The following CPNE5 variants were observed in gnomAD, a reference collection of about 807,000 sequenced individuals.
The protein encoded by CPNE5 is copine 5, also known as copine-5.
A neutral mutation model predicts 81.1 loss-of-function variants in CPNE5; 42 were observed. That is an observed-to-expected ratio of 0.52 (90% CI 0.40 to 0.67). The LOEUF is 0.67. Among genes scored for constraint, CPNE5 ranks in the 30% least tolerant of loss-of-function variants. CPNE5 has a pLI of 0.00. For synonymous variants in CPNE5, 313 were observed against 321.5 expected (o/e 0.97, Z 0.28); for missense variants, 612 against 815.5 (o/e 0.75, Z 3.04).
intron 3 of CPNE5, among the ~76,000 whole-genome samples, chr6:36,801,509 T>C (rs1407490123): frequency 6.6e-6 from 1 of 152,208 alleles, no homozygotes; most frequent in Non-Finnish European, 1.5e-5. Flanking sequence ...GGCTCTCTTT[T>C]ATATCTGCTC....
rs1772977801 is a variant in CPNE5, at chr6:36,831,414, T to G, written c.95+7869A>C. Among the ~76,000 whole-genome samples, 3 of 151,702 alleles carry G rather than the reference T, an allele frequency of 2.0e-5. 1 individual carries two copies. The South Asian group carries it at 6.2e-4, about 31-fold the overall frequency. On this transcript the variant is annotated intron_variant, in intron 1 of 20. Transcript: ENST00000244751. The stretch of plus-strand genomic sequence containing the variant: ...TGTCAACCAGGCTGGAGTGCAGTGG[T>G]ACAATATCAGCTCACTGCAACCTCC...
At chr6:36,816,526 T>C (rs1771556126) in intron 3 of CPNE5, among the ~76,000 whole-genome samples, 2 of 152,210 alleles carry the variant, frequency 1.3e-5, no homozygotes, top group Admixed American at 1.3e-4. Flanking sequence ...TGACTTCCCC[T>C]GACCACAGGA....
At chr6:36,787,430 A>C (rs1302164764) in intron 8 of CPNE5, among the ~76,000 whole-genome samples, 1 of 151,924 alleles carries the variant, frequency 6.6e-6, no homozygotes, top group East Asian at 1.9e-4. Context: ...GCTTGGACCA[A>C]TATTCCCCAG....
chr6:36,757,296 C>A (rs762147422), intron 12 of CPNE5: 5 of 984,930 alleles, frequency 5.1e-6, no homozygotes, highest in Non-Finnish European at 6.0e-6. Context: ...TCCTGTGCTG[C>A]CTGTTGGTTT....
rs892565846 is a variant in CPNE5, at chr6:36,766,021, C to T, written c.738-645G>A. On this transcript the variant is annotated intron_variant, in intron 10 of 20. Transcript: ENST00000244751. This position sits in a 1 kb window ranked among gnomAD's most constrained non-coding sequence, Gnocchi z 4.2. ...TGAGAGCCCATTTTATTTTTAGCCA[C>T]GTTCCCATGGCAACAGGCTAGCGGA... is the stretch of plus-strand genomic sequence containing the variant. Among the ~76,000 whole-genome samples, 11 of 152,182 alleles carry T rather than the reference C, an allele frequency of 7.2e-5. No homozygotes were observed. Among genetic ancestry groups the T allele is most frequent in the Non-Finnish European group, 1.3e-4 (9 of 68,028 alleles).
chr6:36,743,225 G>A, intron 20 of CPNE5: 1 of 985,430 alleles, frequency 1.0e-6, no homozygotes, highest in Non-Finnish European at 1.2e-6. Context: ...ACGTGAGACT[G>A]CATGGGAATT....
At chr6:36,790,879 G>A (rs1769033430) in intron 8 of CPNE5, among the ~76,000 whole-genome samples, 1 of 152,126 alleles carries the variant, frequency 6.6e-6, no homozygotes, top group African/African-American at 2.4e-5. Context: ...ACCCATAATG[G>A]GTTCAACTAT....
intron 14 of CPNE5, among the ~76,000 whole-genome samples, chr6:36,749,667 A>T (rs192234722): frequency 9.0e-4 from 137 of 151,954 alleles, no homozygotes; most frequent in African/African-American, 3.1e-3. Context: ...AAAATAAAAA[A>T]AAAAAACCCA....
chr6:36,747,353 G>A (rs1764292052), intron 15 of CPNE5, among the ~76,000 whole-genome samples: 1 of 152,114 alleles, frequency 6.6e-6, no homozygotes, highest in Non-Finnish European at 1.5e-5. Flanking sequence ...TACCAATCCT[G>A]TCTACCTCCT....
intron 3 of CPNE5, among the ~76,000 whole-genome samples, chr6:36,809,637 A>G (rs1770921713): frequency 1.3e-5 from 2 of 152,102 alleles, no homozygotes; most frequent in South Asian, 4.1e-4. Context: ...AAAAAATCAA[A>G]TTGACTTAGG....
At chr6:36,792,284 G>T (rs1471512220) in intron 7 of CPNE5, 188 bp from the exon 8 acceptor site, 2 of 1,458,276 alleles carry the variant, frequency 1.4e-6, no homozygotes, top group African/African-American at 2.8e-5. Context: ...ACTGCTTCCT[G>T]GGACCGGGTC....
intron 8 of CPNE5, among the ~76,000 whole-genome samples, chr6:36,785,159 T>C (rs1221753280): frequency 6.6e-6 from 1 of 152,114 alleles, no homozygotes; most frequent in Non-Finnish European, 1.5e-5. Context: ...CTGGGGAGAT[T>C]ATAGCAGACA....
intron 9 of CPNE5, among the ~76,000 whole-genome samples, chr6:36,776,586 G>T (rs902952575): frequency 1.3e-5 from 2 of 152,124 alleles, no homozygotes; most frequent in Admixed American, 1.3e-4. Flanking sequence ...AGAGGGATGG[G>T]GGATGATACT....
chr6:36,767,064 C>T (rs1435104088), intron 10 of CPNE5, among the ~76,000 whole-genome samples: 1 of 152,176 alleles, frequency 6.6e-6, no homozygotes. Context: ...CCATGTTGGC[C>T]AGGCTGGCCT....
chr6:36,745,899 C>T (rs1311210377), intron 16 of CPNE5, among the ~76,000 whole-genome samples: 4 of 152,186 alleles, frequency 2.6e-5, no homozygotes, highest in African/African-American at 9.7e-5. Flanking sequence ...CTTGCACCCT[C>T]AGGCATGGGA....
chr6:36,742,633 CTG>C (rs1763667719), intron 20 of CPNE5, 147 bp from the exon 21 acceptor site: 1 of 1,442,024 alleles, frequency 6.9e-7, no homozygotes, highest in African/African-American at 1.4e-5. Flanking sequence ...ACCTGAGGGA[CTG>C]TATCCCTCAA....
At chr6:36,790,856 G>A (rs946822056) in intron 8 of CPNE5, among the ~76,000 whole-genome samples, 3 of 152,050 alleles carry the variant, frequency 2.0e-5, no homozygotes, top group East Asian at 1.9e-4. Context: ...AAAAAAATGC[G>A]TTATTTATGT....
chr6:36,813,278 C>T (rs1375264322), intron 3 of CPNE5, among the ~76,000 whole-genome samples: 2 of 152,214 alleles, frequency 1.3e-5, no homozygotes, highest in East Asian at 3.9e-4. Context: ...CGCCTGTAAT[C>T]CCAGCATTTT....
At chr6:36,743,814 G>A in intron 19 of CPNE5, 52 bp from the exon 20 acceptor site, 2 of 1,468,426 alleles carry the variant, frequency 1.4e-6, no homozygotes, top group Non-Finnish European at 1.9e-6. Context: ...GTGGACCCCT[G>A]GCCCTAGCAG....
Sources: allele counts gnomAD v4.1 joint callset (sites outside exome capture counted in the v4.1 genomes callset), GRCh38; gene constraint gnomAD v4.1.1; non-coding constraint Gnocchi (gnomAD v3.1); transcripts MANE v1.5; gene names NCBI Gene and HGNC (gene_info 2026-07-23, HGNC 2026-07-21).